The following CEP85L variants were observed in gnomAD, a reference collection of about 807,000 sequenced individuals.
CEP85L encodes the protein centrosomal protein of 85 kDa-like.
Under a neutral mutation model 100.3 loss-of-function variants are expected in CEP85L, and 60 were observed. The observed-to-expected ratio is 0.60, with a 90% CI of 0.49 to 0.74. CEP85L has a LOEUF of 0.74. Among genes scored for constraint, CEP85L ranks in the 30% least tolerant of loss-of-function variants. The pLI is 0.00. For missense variants in CEP85L, 973 were observed against 936.2 expected (o/e 1.04, Z -0.51); for synonymous variants, 319 against 322.7 (o/e 0.99, Z 0.12).
chr6:118,581,846 T>C (rs1193194357), intron 2 of CEP85L, among the ~76,000 whole-genome samples: 1 of 152,184 alleles, frequency 6.6e-6, no homozygotes, highest in African/African-American at 2.4e-5. Flanking sequence ...CACAAGAGCA[T>C]AGCCTTCTTA....
rs755600934 is a variant in CEP85L at position 118,491,706 on chromosome 6, TCTC to T, written c.1414_1416del (p.Glu472del). 2 of 1,612,386 alleles carry T rather than the reference TCTC, an allele frequency of 1.2e-6. No homozygotes were observed. The highest frequency in any genetic ancestry group is 3.3e-5 in the Admixed American group (2 of 59,758). On this transcript the variant is annotated inframe_deletion, in exon 6 of 13. Coordinates refer to ENST00000368491, the MANE Select transcript of CEP85L (RefSeq NM_001042475.3). The stretch of plus-strand genomic sequence containing the variant: ...CCTACTTTTTCCTCTAGTTTCTTCT[TCTC>T]TTCACTAAATAGGCTTAGTCTTTGT...
At chr6:118,510,945 T>C (rs1018755317) in intron 5 of CEP85L, among the ~76,000 whole-genome samples, 1 of 152,082 alleles carries the variant, frequency 6.6e-6, no homozygotes, top group Admixed American at 6.6e-5. Context: ...TGTTATATAA[T>C]TGTATATAAC....
chr6:118,624,513 C>T (rs999392930), intron 2 of CEP85L, among the ~76,000 whole-genome samples: 6 of 152,178 alleles, frequency 3.9e-5, no homozygotes, highest in African/African-American at 1.2e-4. Context: ...CTCTTCATCC[C>T]TCCCCAACTG....
chr6:118,599,681 G>T (rs1781624571), intron 2 of CEP85L, among the ~76,000 whole-genome samples: 1 of 152,076 alleles, frequency 6.6e-6, no homozygotes, highest in Non-Finnish European at 1.5e-5. Flanking sequence ...TCTTAAACAA[G>T]CGACCAAGGT....
intron 10 of CEP85L, among the ~76,000 whole-genome samples, chr6:118,478,595 T>C (rs1773557901): frequency 6.6e-6 from 1 of 152,090 alleles, no homozygotes; most frequent in Non-Finnish European, 1.5e-5. Context: ...AATTAATAAT[T>C]ATAGTGTCTA....
intron 1 of CEP85L, among the ~76,000 whole-genome samples, chr6:118,706,186 A>G (rs1777588156): frequency 6.6e-6 from 1 of 152,200 alleles, no homozygotes; most frequent in Admixed American, 6.5e-5. Context: ...ACACTCTGAC[A>G]AGGGGATTAT....
chr6:118,590,026 A>T (rs1199694849), intron 2 of CEP85L, among the ~76,000 whole-genome samples: 2 of 151,468 alleles, frequency 1.3e-5, no homozygotes, highest in Admixed American at 1.3e-4. Flanking sequence ...GGTGTTTCAG[A>T]TTTTTTTTCT....
At chr6:118,558,525 C>T (rs1779010721) in intron 3 of CEP85L, among the ~76,000 whole-genome samples, 1 of 151,700 alleles carries the variant, frequency 6.6e-6, no homozygotes, top group South Asian at 2.1e-4. Flanking sequence ...GAGAAAAAGG[C>T]AAGGACTAAA....
intron 5 of CEP85L, among the ~76,000 whole-genome samples, chr6:118,505,346 CAGG>C (rs1775577620): frequency 7.7e-6 from 1 of 129,522 alleles, no homozygotes; most frequent in African/African-American, 3.0e-5. Context: ...GAGGCTGAGG[CAGG>C]AGAATTGCTT....
chr6:118,488,090 A>G (rs188739347), intron 6 of CEP85L, among the ~76,000 whole-genome samples: 6 of 152,276 alleles, frequency 3.9e-5, no homozygotes, highest in African/African-American at 1.4e-4. Context: ...CTTCTCCTGT[A>G]TAAGGCTAGT....
In CEP85L at chr6:118,566,040, T is replaced by C. The variant is rs1309845855; in HGVS notation, c.509A>G (p.Gln170Arg). 6.2e-7 allele frequency: 1 copy of C among 1,614,214 alleles called. No homozygotes were observed. Among genetic ancestry groups the C allele is most frequent in the South Asian group, 1.1e-5 (1 of 91,082 alleles). The change falls in exon 3 of 13, where the codon CAG becomes CGG. Residue 170 changes from glutamine to arginine, a missense_variant. Physicochemically the swap from Gln to Arg is conservative, Grantham distance 43. Coordinates refer to ENST00000368491, the MANE Select transcript of CEP85L (RefSeq NM_001042475.3). ...CTCTTCTCTGCATACAGTGCCACCC[T>C]GGCCACAGTTATCCGGGGCAGTGAG... Reference protein sequence around the residue: ...SKLTAPDNCGQGGTVCREESR... With the variant: ...SKLTAPDNCGRGGTVCREESR...
At chr6:118,538,981 T>C (rs946997281) in intron 3 of CEP85L, among the ~76,000 whole-genome samples, 1 of 152,252 alleles carries the variant, frequency 6.6e-6, no homozygotes, top group South Asian at 2.1e-4. Flanking sequence ...AAAAGAAGTT[T>C]ATCAAAATGA....
intron 1 of CEP85L, among the ~76,000 whole-genome samples, chr6:118,661,497 T>C (rs1194000969): frequency 6.6e-6 from 1 of 152,064 alleles, no homozygotes; most frequent in African/African-American, 2.4e-5. Context: ...AAATTTTAAT[T>C]GTGCTCCAGT....
At chr6:118,513,193 C>T (rs903861066) in intron 4 of CEP85L, among the ~76,000 whole-genome samples, 2 of 151,956 alleles carry the variant, frequency 1.3e-5, no homozygotes, top group Non-Finnish European at 2.9e-5. Flanking sequence ...TATCAGTGAG[C>T]CGCGAGATTA....
intron 1 of CEP85L, among the ~76,000 whole-genome samples, chr6:118,639,173 A>G (rs1774702843): frequency 2.0e-5 from 3 of 152,216 alleles, no homozygotes; most frequent in Non-Finnish European, 2.9e-5. Context: ...GTTTACCCTT[A>G]TATTACATAA....
At chr6:118,596,367 C>G (rs1007436524) in intron 2 of CEP85L, among the ~76,000 whole-genome samples, 1 of 152,056 alleles carries the variant, frequency 6.6e-6, no homozygotes, top group Middle Eastern at 3.2e-3. Context: ...GAGTGCTTTA[C>G]AATAAACAGA....
chr6:118,472,443 T>C (rs1298816854), intron 10 of CEP85L, among the ~76,000 whole-genome samples: 1 of 152,138 alleles, frequency 6.6e-6, no homozygotes, highest in Admixed American at 6.5e-5. Context: ...GCTGTACAAA[T>C]TGGTCTAGGA....
intron 1 of CEP85L, among the ~76,000 whole-genome samples, chr6:118,663,707 G>T (rs188668082): frequency 1.9e-4 from 29 of 152,206 alleles, no homozygotes; most frequent in Non-Finnish European, 3.1e-4. Flanking sequence ...AAGAGGGATT[G>T]GTTCCAGGAT....
At chr6:118,563,693 C>A (rs571595545) in intron 3 of CEP85L, among the ~76,000 whole-genome samples, 1 of 152,288 alleles carries the variant, frequency 6.6e-6, no homozygotes, top group South Asian at 2.1e-4. Flanking sequence ...TCAGGCAATT[C>A]TCCTGCCTTG....
Sources: gnomAD v4.1 joint callset for allele counts (sites outside exome capture counted in the v4.1 genomes callset) on GRCh38, gnomAD v4.1.1 for gene constraint, MANE v1.5 for transcripts, NCBI Gene and HGNC (gene_info 2026-07-23, HGNC 2026-07-21) for gene names.